Variants in KLHL1 observed in about 807,000 individuals in gnomAD.
The protein encoded by KLHL1 is kelch like family member 1, also known as kelch-like protein 1.
A neutral mutation model predicts 77.7 loss-of-function variants in KLHL1; 47 were observed. That is an observed-to-expected ratio of 0.60 (90% CI 0.48 to 0.77). The LOEUF is 0.77. KLHL1 is among the 30% of genes least tolerant of loss of function. The probability of loss-of-function intolerance (pLI) is 0.00; values close to 1 mark genes in which losing one functional copy is unlikely to be tolerated. For missense variants in KLHL1, 925 were observed against 910.8 expected, an observed-to-expected ratio of 1.02 and a Z score of -0.20; for synonymous variants, 360 against 325.2, an observed-to-expected ratio of 1.11 and a Z score of -1.15.
chr13:70,035,764 A>C (rs529881544), intron 1 of KLHL1, among the ~76,000 whole-genome samples: 33 of 152,112 alleles, frequency 2.2e-4, no homozygotes, highest in Middle Eastern at 6.8e-3. Flanking sequence ...TTTCATTTTG[A>C]GAGAATCAAA....
chr13:70,063,529 C>G (rs987238855), intron 1 of KLHL1, among the ~76,000 whole-genome samples: 4 of 151,998 alleles, frequency 2.6e-5, no homozygotes, highest in Non-Finnish European at 5.9e-5. Context: ...AAATTATAAT[C>G]TAACACACAT....
intron 4 of KLHL1, among the ~76,000 whole-genome samples, chr13:69,917,862 CG>C (rs1566400233): frequency 6.6e-6 from 1 of 151,862 alleles, no homozygotes; most frequent in Non-Finnish European, 1.5e-5. Context: ...CATTCACATG[CG>C]AAGTTTGCTG....
chr13:69,709,258 C>G (rs1875768277), intron 9 of KLHL1, among the ~76,000 whole-genome samples: 1 of 152,014 alleles, frequency 6.6e-6, no homozygotes, highest in Non-Finnish European at 1.5e-5. Context: ...CAACCTATGC[C>G]ATCAAAATCT....
intron 1 of KLHL1, among the ~76,000 whole-genome samples, chr13:70,015,148 T>C (rs562902153): frequency 6.6e-6 from 1 of 152,220 alleles, no homozygotes; most frequent in African/African-American, 2.4e-5. Flanking sequence ...GATGGGGATA[T>C]GTTCAAAGAA....
intron 6 of KLHL1, among the ~76,000 whole-genome samples, chr13:69,838,230 CT>C (rs1879106609): frequency 1.3e-5 from 2 of 151,358 alleles, no homozygotes; most frequent in Non-Finnish European, 3.0e-5. Context: ...TGGTCATATT[CT>C]ATTGTTGCCA....
chr13:69,952,286 G>T (rs2137256283), intron 3 of KLHL1, among the ~76,000 whole-genome samples: 1 of 151,504 alleles, frequency 6.6e-6, no homozygotes, highest in African/African-American at 2.4e-5. Flanking sequence ...TTTCCAAGTA[G>T]TATTTACGTT....
intron 7 of KLHL1, among the ~76,000 whole-genome samples, chr13:69,786,720 C>T (rs1388260241): frequency 1.3e-5 from 2 of 152,084 alleles, no homozygotes; most frequent in Non-Finnish European, 2.9e-5. Context: ...TCAAATTGTC[C>T]CTGTTTGCAG....
At chr13:69,809,132 A>G (rs1877751066) in intron 6 of KLHL1, among the ~76,000 whole-genome samples, 1 of 152,188 alleles carries the variant, frequency 6.6e-6, no homozygotes, top group African/African-American at 2.4e-5. Flanking sequence ...CTTGGAAGAC[A>G]TATTTGAGGA....
intron 7 of KLHL1, among the ~76,000 whole-genome samples, chr13:69,757,396 A>G (rs73504022): frequency 0.099 from 15,036 of 152,210 alleles, 825 homozygotes; most frequent in African/African-American, 0.13. Context: ...GGAACCTTGT[A>G]AAATTTTGGA....
intron 7 of KLHL1, among the ~76,000 whole-genome samples, chr13:69,785,932 A>G: frequency 6.6e-6 from 1 of 152,206 alleles, no homozygotes; most frequent in East Asian, 1.9e-4. Flanking sequence ...TCCTCGACAC[A>G]TACACCCTCC....
intron 5 of KLHL1, among the ~76,000 whole-genome samples, chr13:69,862,053 A>T (rs985550985): frequency 1.3e-5 from 2 of 151,630 alleles, no homozygotes; most frequent in African/African-American, 2.4e-5. Flanking sequence ...TTAGCAATGA[A>T]TATTATCGTT....
chr13:69,786,645 A>C (rs1198371935), intron 7 of KLHL1, among the ~76,000 whole-genome samples: 1 of 152,218 alleles, frequency 6.6e-6, no homozygotes, highest in Admixed American at 6.5e-5. Context: ...TACTGTTGGA[A>C]GTTCTGGCCA....
intron 5 of KLHL1, among the ~76,000 whole-genome samples, chr13:69,868,079 T>C (rs540420276): frequency 3.9e-5 from 6 of 152,256 alleles, no homozygotes; most frequent in Admixed American, 3.9e-4. Flanking sequence ...ATATTCTGAA[T>C]GTAGTATTCT....
intron 1 of KLHL1, among the ~76,000 whole-genome samples, chr13:70,093,547 T>C (rs1887719591): frequency 6.6e-6 from 1 of 152,186 alleles, no homozygotes; most frequent in Non-Finnish European, 1.5e-5. Context: ...ATCTTTCTCT[T>C]GATGTCTTGA....
chr13:69,911,251 A>G (rs1882228970), intron 4 of KLHL1, among the ~76,000 whole-genome samples: 1 of 152,060 alleles, frequency 6.6e-6, no homozygotes, highest in African/African-American at 2.4e-5. Flanking sequence ...TACTATTTGA[A>G]TATAATTTTT....
intron 1 of KLHL1, among the ~76,000 whole-genome samples, chr13:70,063,947 G>C (rs1027338673): frequency 6.6e-6 from 1 of 151,900 alleles, no homozygotes; most frequent in East Asian, 1.9e-4. Context: ...ACTCTGCAGG[G>C]CTAATTCAAA....
chr13:70,086,587 AAAAAAAGAAAG>A (rs1477393825), intron 1 of KLHL1, among the ~76,000 whole-genome samples: 4 of 82,392 alleles, frequency 4.9e-5, no homozygotes, highest in South Asian at 4.0e-4. Flanking sequence ...AAAAAAAAAA[AAAAAAAGAAAG>A]AAAGAAAGAA....
chr13:69,999,580 C>T (rs1885237055), intron 1 of KLHL1, among the ~76,000 whole-genome samples: 2 of 152,010 alleles, frequency 1.3e-5, no homozygotes, highest in African/African-American at 4.8e-5. Context: ...TGATTAATCC[C>T]AATAACTAAG....
rs148471010 is a variant in KLHL1, at chr13:69,754,576, G to A, written c.1640-14020C>T. On this transcript the variant is annotated intron_variant, in intron 7 of 10. Coordinates refer to ENST00000377844, the MANE Select transcript of KLHL1 (RefSeq NM_020866.3). Reference sequence around the variant, plus strand: ...GGATTGTAAGCTTTTTAAGAACAGGGCCTGTGTTTTACACTGTGCACTCCC... The same window carrying A: ...GGATTGTAAGCTTTTTAAGAACAGGACCTGTGTTTTACACTGTGCACTCCC... 7.2e-5 allele frequency among the ~76,000 whole-genome samples: 11 copies of A among 151,928 alleles called. No homozygotes were observed. The East Asian group carries it at 2.1e-3, about 29-fold the overall frequency.
Sources: gnomAD v4.1 joint callset for allele counts (sites outside exome capture counted in the v4.1 genomes callset) on GRCh38, gnomAD v4.1.1 for gene constraint, MANE v1.5 for transcripts, NCBI Gene and HGNC (gene_info 2026-07-23, HGNC 2026-07-21) for gene names.